TENM2: variants seen among roughly 807,000 people sequenced by gnomAD.
TENM2 encodes the protein teneurin-2.
Under a neutral mutation model 245.2 loss-of-function variants are expected in TENM2, and 52 were observed. That is an observed-to-expected ratio of 0.21 (90% CI 0.17 to 0.27). TENM2 has a LOEUF of 0.27. TENM2 is among the 10% of genes least tolerant of loss of function. The pLI is 1.00. For synonymous variants in TENM2, 1,363 were observed against 1,438.9 expected, an observed-to-expected ratio of 0.95 and a Z score of 1.19; for missense variants, 3,046 against 3,666.8, an observed-to-expected ratio of 0.83 and a Z score of 4.37.
At chr5:167,513,599 G>A (rs1169204765) in intron 2 of TENM2, among the ~76,000 whole-genome samples, 1 of 152,136 alleles carries the variant, frequency 6.6e-6, no homozygotes. Context: ...GGATCCGCTG[G>A]AATAGCCACT....
At position 167,470,211 on chromosome 5, in the gene TENM2, T is replaced by C. The variant is rs144168023; in HGVS notation, c.502+94738T>C. Among the ~76,000 whole-genome samples the C allele has an allele frequency of 2.7e-3, 412 of 152,212 alleles. 2 individuals are homozygous for C. The highest frequency in any genetic ancestry group is 9.4e-3 in the African/African-American group (392 of 41,562). Reference sequence around the variant, plus strand: ...TTAATAAGCCAGTAATAGAAGGTTTTGCAGCAATAGATGATGACCCAGACA... The same window carrying C: ...TTAATAAGCCAGTAATAGAAGGTTTCGCAGCAATAGATGATGACCCAGACA... On this transcript the variant is annotated intron_variant, in intron 2 of 28. Transcript: ENST00000518659.
intron 2 of TENM2, among the ~76,000 whole-genome samples, chr5:167,681,767 C>T (rs1170094979): frequency 6.6e-6 from 1 of 152,040 alleles, no homozygotes; most frequent in Non-Finnish European, 1.5e-5. Flanking sequence ...TGTAGGAGTA[C>T]CCAGTTTTCC....
At chr5:167,312,634 A>T (rs1750069818) in intron 1 of TENM2, among the ~76,000 whole-genome samples, 1 of 152,222 alleles carries the variant, frequency 6.6e-6, no homozygotes, top group African/African-American at 2.4e-5. Flanking sequence ...CCTATGGGAA[A>T]AATTGGTCTT....
chr5:167,669,865 T>C (rs1446852254), intron 2 of TENM2, among the ~76,000 whole-genome samples: 1 of 151,826 alleles, frequency 6.6e-6, no homozygotes, highest in African/African-American at 2.4e-5. Context: ...TTTTGAGGTT[T>C]TTTTTTTTAA....
chr5:167,670,300 T>A (rs934509471), intron 2 of TENM2, among the ~76,000 whole-genome samples: 1 of 152,184 alleles, frequency 6.6e-6, no homozygotes, highest in African/African-American at 2.4e-5. Flanking sequence ...ACTCCCAAGG[T>A]GTCCAGAGAT....
At chr5:167,656,866 A>T (rs530398191) in intron 2 of TENM2, among the ~76,000 whole-genome samples, 1 of 151,968 alleles carries the variant, frequency 6.6e-6, no homozygotes, top group Non-Finnish European at 1.5e-5. Context: ...TATAGGGTAC[A>T]TAGTGATATT....
At chr5:167,668,251 C>A (rs1360349857) in intron 2 of TENM2, among the ~76,000 whole-genome samples, 4 of 152,040 alleles carry the variant, frequency 2.6e-5, no homozygotes, top group African/African-American at 9.7e-5. Flanking sequence ...CCAAGAGTCC[C>A]CTTATGAAGA....
the TENM2 span, among the ~76,000 whole-genome samples, chr5:167,176,266 G>A: frequency 3.3e-5 from 5 of 152,186 alleles, no homozygotes; most frequent in African/African-American, 9.6e-5. Context: ...GAAACTTTTT[G>A]TTGTTGTTGT....
chr5:167,783,234 G>A (rs1162208650), intron 2 of TENM2, among the ~76,000 whole-genome samples: 1 of 150,678 alleles, frequency 6.6e-6, no homozygotes, highest in Non-Finnish European at 1.5e-5. Flanking sequence ...TCCCCCAGGA[G>A]GGTTGTGTTC....
In TENM2 at chr5:167,717,479, G is replaced by A. The variant is rs114291767; in HGVS notation, c.503-158507G>A. Among the ~76,000 whole-genome samples, 1,259 of 152,138 alleles carry A rather than the reference G, an allele frequency of 8.3e-3. 30 individuals carry two copies. The highest frequency in any genetic ancestry group is 0.029 in the African/African-American group (1,205 of 41,500). On this transcript the variant is annotated intron_variant, in intron 2 of 28. Transcript: ENST00000518659. ...TATGTGAAAGATTCGATGGACATAG[G>A]CACCTCATACTCTGAACACTTTGCC... is the stretch of plus-strand genomic sequence containing the variant.
At chr5:168,096,795 T>C (rs1374111719) in intron 8 of TENM2, among the ~76,000 whole-genome samples, 1 of 152,244 alleles carries the variant, frequency 6.6e-6, no homozygotes, top group African/African-American at 2.4e-5. Flanking sequence ...GGCTTATACT[T>C]TCCTTTTCAT....
intron 1 of TENM2, among the ~76,000 whole-genome samples, chr5:167,349,850 C>A (rs1039554188): frequency 6.6e-6 from 1 of 152,006 alleles, no homozygotes; most frequent in Non-Finnish European, 1.5e-5. Flanking sequence ...GACATCTCAT[C>A]AAAAATTGCT....
chr5:167,159,192 C>T, the TENM2 span, among the ~76,000 whole-genome samples: 12 of 151,928 alleles, frequency 7.9e-5, no homozygotes, highest in Non-Finnish European at 1.3e-4. Flanking sequence ...ATCTGCCCAC[C>T]GAGGCCTCCC....
At chr5:168,214,939 G>A (rs886902747) in intron 20 of TENM2, 101 bp from the exon 23 acceptor site, 318 of 895,976 alleles carry the variant, frequency 3.5e-4, no homozygotes, top group Non-Finnish European at 3.5e-4. Context: ...AAAGACACTA[G>A]AGAAGGTAAG....
chr5:168,040,320 C>G (rs1170797095), intron 5 of TENM2, among the ~76,000 whole-genome samples: 1 of 152,152 alleles, frequency 6.6e-6, no homozygotes, highest in African/African-American at 2.4e-5. Context: ...GATGATCTTG[C>G]CACGATTCTG....
the TENM2 span, among the ~76,000 whole-genome samples, chr5:167,256,465 T>C: frequency 6.6e-6 from 1 of 152,180 alleles, no homozygotes; most frequent in Non-Finnish European, 1.5e-5. Flanking sequence ...CCAGGGCATT[T>C]CTGCTAGGAT....
In TENM2 at chr5:167,834,455, GA is replaced by G. The variant is rs144213292; in HGVS notation, c.503-41526del. Among the ~76,000 whole-genome samples the G allele has an allele frequency of 2.8e-3, 423 of 152,228 alleles. 2 individuals carry two copies. Among genetic ancestry groups the G allele is most frequent in the African/African-American group, 9.5e-3 (395 of 41,546 alleles). Reference sequence around the variant, plus strand: ...AGTCTTCACTGCTGTAAGTACCTTTGAAAAATGTGCAAAATTGGGATCCATT... The same window carrying G: ...AGTCTTCACTGCTGTAAGTACCTTTGAAAATGTGCAAAATTGGGATCCATT... On this transcript the variant is annotated intron_variant, in intron 2 of 28. Transcript: ENST00000518659.
intron 2 of TENM2, among the ~76,000 whole-genome samples, chr5:167,445,595 A>G (rs1765162253): frequency 6.6e-6 from 1 of 152,170 alleles, no homozygotes; most frequent in African/African-American, 2.4e-5. Flanking sequence ...TATCCTCCCA[A>G]TAACCCTACA....
intron 1 of TENM2, among the ~76,000 whole-genome samples, chr5:167,311,511 T>G (rs1581716948): frequency 1.3e-5 from 2 of 152,228 alleles, no homozygotes; most frequent in Non-Finnish European, 2.9e-5. Flanking sequence ...GAATATGATT[T>G]CTTTAACAAT....
Sources: gnomAD v4.1 joint callset for allele counts (sites outside exome capture counted in the v4.1 genomes callset) on GRCh38, gnomAD v4.1.1 for gene constraint, MANE v1.5 for transcripts, NCBI Gene and HGNC (gene_info 2026-07-23, HGNC 2026-07-21) for gene names.